The following DIS3L2 variants were observed in gnomAD, a reference collection of about 807,000 sequenced individuals.
The protein encoded by DIS3L2 is DIS3 like 3'-5' exoribonuclease 2, also known as DIS3-like exonuclease 2.
In DIS3L2, 34 loss-of-function variants were observed where a neutral mutation model predicts 97.5. The ratio of observed to expected loss-of-function variants is 0.35; its 90% CI spans 0.27 to 0.46. DIS3L2 has a LOEUF of 0.46. Among genes scored for constraint, DIS3L2 ranks in the 20% least tolerant of loss-of-function variants. The pLI, the probability that DIS3L2 is intolerant of heterozygous loss-of-function variation, is 1.00. For missense variants in DIS3L2, 1,038 were observed against 1,146.0 expected (o/e 0.91, Z 1.36); for synonymous variants, 435 against 445.2 (o/e 0.98, Z 0.29).
chr2:232,333,846 C>G lies in DIS3L2; in HGVS notation c.2017C>G (p.Leu673Val), dbSNP rs1202069699. The change falls in exon 17 of 21, where the codon CTG becomes GTG. Residue 673 changes from leucine (L) to valine (V), a missense_variant. By Grantham distance (32) the Leu-to-Val change is conservative (BLOSUM62 1). Transcript: ENST00000325385. The part of the protein sequence containing the change: ...NMCSRPMQMA[L>V]YFCSGLLQDP... ...GACCCATCCCGTCCCGCAGATGGCA[C>G]TGTACTTCTGCTCGGGGCTGCTGCA... The G allele has an allele frequency of 1.2e-6, 2 of 1,611,108 alleles. No individual in the cohort carries two copies. Among genetic ancestry groups the G allele is most frequent in the Non-Finnish European group, 1.7e-6 (2 of 1,179,066 alleles).
At chr2:232,329,785 T>TGCCCGGGGGGACC in intron 14 of DIS3L2, 28 bp from the exon 15 acceptor site, 1 of 967,144 alleles carries the variant, frequency 1.0e-6, no homozygotes, top group Non-Finnish European at 1.5e-6. Flanking sequence ...ACCCCAGCGG[T>TGCCCGGGGGGACC]CCCTCCCATC....
At chr2:231,978,640 G>T (rs1693163346) in intron 1 of DIS3L2, 1 of 152,216 alleles carries the variant, frequency 6.6e-6, no homozygotes, top group Non-Finnish European at 1.5e-5. Context: ...CTGTCTCCAT[G>T]CACTCCACCA....
chr2:232,329,786 C>CCCGGGGGGGGGCG, intron 14 of DIS3L2, 27 bp from the exon 15 acceptor site: 2 of 430,238 alleles, frequency 4.6e-6, no homozygotes, highest in Non-Finnish European at 8.4e-6. Context: ...CCCCAGCGGT[C>CCCGGGGGGGGGCG]CCTCCCATCC....
At chr2:232,319,957 CG>C (rs1032550707) in intron 14 of DIS3L2, among the ~76,000 whole-genome samples, 1 of 152,204 alleles carries the variant, frequency 6.6e-6, no homozygotes, top group Admixed American at 6.5e-5. Flanking sequence ...AGAGTGGCGT[CG>C]GGGAAAGGGC....
intron 1 of DIS3L2, among the ~76,000 whole-genome samples, chr2:232,011,799 G>A (rs750751234): frequency 6.6e-6 from 1 of 152,024 alleles, no homozygotes; most frequent in Non-Finnish European, 1.5e-5. Flanking sequence ...ACAGGCGCAT[G>A]CCACCTTGCC....
chr2:232,302,915 TATTA>T lies in DIS3L2; in HGVS notation c.1739+2800_1739+2803del, dbSNP rs375259532. 6.3e-3 allele frequency among the ~76,000 whole-genome samples: 966 copies of T among 152,316 alleles called. 7 individuals are homozygous for T. Among genetic ancestry groups the T allele is most frequent in the Non-Finnish European group, 1.0e-2 (678 of 68,030 alleles). ...AAGTAGGATTAATAGTAGGATTAAT[TATTA>T]ATTGTTAATTAATTATTAATAGTAG... is the stretch of plus-strand genomic sequence containing the variant. On this transcript the variant is annotated intron_variant, in intron 14 of 20. Coordinates refer to ENST00000325385, the MANE Select transcript of DIS3L2 (RefSeq NM_152383.5).
intron 6 of DIS3L2, among the ~76,000 whole-genome samples, chr2:232,128,024 C>G (rs1559657064): frequency 6.6e-6 from 1 of 152,160 alleles, no homozygotes; most frequent in Non-Finnish European, 1.5e-5. Context: ...GATCCTGATT[C>G]ACTGCAGCCT....
intron 14 of DIS3L2, 23 bp from the exon 15 acceptor site, chr2:232,329,790 C>CGGGGGGGGG: frequency 3.2e-6 from 1 of 315,338 alleles, no homozygotes; most frequent in Non-Finnish European, 6.3e-6. Flanking sequence ...AGCGGTCCCT[C>CGGGGGGGGG]CCATCCCACC....
At chr2:232,200,780 GTTTTTTTT>G (rs1183177130) in intron 9 of DIS3L2, among the ~76,000 whole-genome samples, 1 of 124,772 alleles carries the variant, frequency 8.0e-6, no homozygotes, top group Non-Finnish European at 1.8e-5. Context: ...TGACCAAAAG[GTTTTTTTT>G]TTTTTTTTTT....
intron 9 of DIS3L2, among the ~76,000 whole-genome samples, chr2:232,182,795 A>T (rs1295950789): frequency 1.3e-5 from 2 of 152,190 alleles, no homozygotes; most frequent in Non-Finnish European, 2.9e-5. Context: ...ACAGGCACAC[A>T]CACACATACA....
intron 1 of DIS3L2, among the ~76,000 whole-genome samples, chr2:231,982,038 G>GAA (rs34177735): frequency 1.2e-3 from 175 of 145,760 alleles, no homozygotes; most frequent in African/African-American, 1.7e-3. Flanking sequence ...CTCTCAAAAA[G>GAA]AAAAAAAAAA....
At chr2:232,239,072 G>T (rs993681072) in intron 11 of DIS3L2, among the ~76,000 whole-genome samples, 2 of 152,138 alleles carry the variant, frequency 1.3e-5, no homozygotes, top group Non-Finnish European at 2.9e-5. Flanking sequence ...GAGCCAATCT[G>T]GTCCTGACCT....
intron 5 of DIS3L2, among the ~76,000 whole-genome samples, chr2:232,081,533 A>C (rs1696396875): frequency 6.6e-6 from 1 of 152,180 alleles, no homozygotes; most frequent in Non-Finnish European, 1.5e-5. Flanking sequence ...ACTTGTATAA[A>C]GAAAAACTTT....
In DIS3L2 at chr2:232,284,940, G is replaced by A. The variant is rs956773482; in HGVS notation, c.1660-15100G>A. ...GTGCTTGCCCACAGAACTGTGAAAG[G>A]AGAGCCCGAAGGAGACTTAGACAGG... On this transcript the variant is annotated intron_variant, in intron 13 of 20. Coordinates refer to ENST00000325385, the MANE Select transcript of DIS3L2 (RefSeq NM_152383.5). Among the ~76,000 whole-genome samples the A allele has an allele frequency of 2.6e-5, 4 of 152,162 alleles. No homozygotes were observed. The East Asian group carries it at 7.7e-4, about 29-fold the overall frequency.
chr2:232,256,213 A>G (rs2853361), intron 12 of DIS3L2, among the ~76,000 whole-genome samples: 83,030 of 152,170 alleles, frequency 0.55, 25,275 homozygotes, highest in East Asian at 0.85. Flanking sequence ...GGAAATGCAT[A>G]GACTCCAGAG....
At position 232,323,378 on chromosome 2, in the gene DIS3L2, G is replaced by A. The variant is rs541988909; in HGVS notation, c.1740-6435G>A. 5.9e-5 allele frequency among the ~76,000 whole-genome samples: 9 copies of A among 152,294 alleles called. No individual in the cohort carries two copies. The East Asian group carries it at 1.2e-3, about 20-fold the overall frequency. ...CAAGTCTCCTTTCGCTCCCCATTAC[G>A]GCCACTGGGGCTCCCTTTGGCAAGG... On this transcript the variant is annotated intron_variant, in intron 14 of 20. Coordinates refer to ENST00000325385, the MANE Select transcript of DIS3L2 (RefSeq NM_152383.5).
chr2:232,300,772 T>G (rs989262829), intron 14 of DIS3L2, among the ~76,000 whole-genome samples: 1 of 151,756 alleles, frequency 6.6e-6, no homozygotes, highest in Non-Finnish European at 1.5e-5. Flanking sequence ...CTCCCACCTG[T>G]TTCCCGAGTA....
intron 5 of DIS3L2, among the ~76,000 whole-genome samples, chr2:232,082,986 T>G (rs1428849117): frequency 1.3e-5 from 2 of 152,104 alleles, no homozygotes; most frequent in African/African-American, 2.4e-5. Context: ...GAAGAGGACT[T>G]GTTCAGGGAA....
chr2:231,971,881 C>T (rs1692926556), intron 1 of DIS3L2, among the ~76,000 whole-genome samples: 2 of 149,952 alleles, frequency 1.3e-5, no homozygotes, highest in Non-Finnish European at 3.0e-5. Context: ...ACGCCCGGCC[C>T]ATCTTTTTTA....
Sources: allele counts gnomAD v4.1 joint callset (sites outside exome capture counted in the v4.1 genomes callset), GRCh38; gene constraint gnomAD v4.1.1; transcripts MANE v1.5; gene names NCBI Gene and HGNC (gene_info 2026-07-23, HGNC 2026-07-21).